The following COG2 variants were observed in gnomAD, a reference collection of about 807,000 sequenced individuals.
COG2 encodes the protein component of oligomeric golgi complex 2.
In COG2, 52 loss-of-function variants were observed where a neutral mutation model predicts 90.6. That is an observed-to-expected ratio of 0.57 (90% confidence interval 0.46 to 0.72). The LOEUF is 0.72. Ranked by LOEUF, COG2 falls within the 30% of genes least tolerant of loss-of-function variation. The pLI is 0.00. For synonymous variants in COG2, 337 were observed against 320.4 expected (o/e 1.05, Z -0.55); for missense variants, 829 against 891.2 (o/e 0.93, Z 0.89).
At chr1:230,643,081 GA>G (rs1309455695) in intron 1 of COG2, 5 of 179,954 alleles carry the variant, frequency 2.8e-5, no homozygotes, top group Admixed American at 1.9e-4. Context: ...CTTTCCTAGG[GA>G]CTCGGGTCGG....
At chr1:230,658,486 C>T (rs1473093048) in intron 1 of COG2, among the ~76,000 whole-genome samples, 1 of 152,166 alleles carries the variant, frequency 6.6e-6, no homozygotes, top group Non-Finnish European at 1.5e-5. Flanking sequence ...AAGTGTCTCT[C>T]AGCCCATACT....
chr1:230,683,842 A>T (rs1341292531), intron 11 of COG2, among the ~76,000 whole-genome samples: 1 of 150,018 alleles, frequency 6.7e-6, no homozygotes, highest in East Asian at 2.0e-4. Context: ...CCCAGGCTGG[A>T]GTGCAATGGC....
chr1:230,681,935 G>A lies in COG2; in HGVS notation c.1167-1639G>A, dbSNP rs540517858. 2.6e-5 allele frequency: 4 copies of A among 152,072 alleles called. No homozygotes were observed. In the South Asian group the frequency reaches 8.3e-4, roughly 32 times the overall value. The allele number at this position is 152,072 out of a possible 1,614,324, so 9.4% of individuals were successfully genotyped here. A position where few individuals can be genotyped will look rare whatever the true frequency, so the allele number is the denominator to read the frequency against. ...GTCTCTGTGAAGTGCAGGGATCAAG[G>A]CTCTGCTGCATTTCTTTGGTCCTTT... is the stretch of plus-strand genomic sequence containing the variant. On this transcript the variant is annotated intron_variant, in intron 10 of 17. Transcript: ENST00000366669.
chr1:230,673,432 A>G (rs1283715614), intron 8 of COG2, among the ~76,000 whole-genome samples: 2 of 152,172 alleles, frequency 1.3e-5, no homozygotes, highest in African/African-American at 4.8e-5. Context: ...CATGAGCTTT[A>G]TAACTGGCAA....
intron 3 of COG2, 98 bp from the exon 4 acceptor site, chr1:230,663,043 C>A: frequency 2.4e-6 from 2 of 818,854 alleles, no homozygotes; most frequent in Non-Finnish European, 1.9e-6. Flanking sequence ...GTAATACTGG[C>A]CTGTAGGTGT....
chr1:230,682,112 C>T (rs546911607), intron 10 of COG2: 8 of 152,316 alleles, frequency 5.3e-5, no homozygotes, highest in South Asian at 4.2e-4. Flanking sequence ...TTGAATATAT[C>T]TCAGGTTCCA....
At chr1:230,683,871 A>G (rs1571961896) in intron 11 of COG2, among the ~76,000 whole-genome samples, 2 of 151,936 alleles carry the variant, frequency 1.3e-5, no homozygotes, top group Admixed American at 1.3e-4. Flanking sequence ...GGCTCACTGC[A>G]GCCCCCGCCT....
chr1:230,663,231 A>G lies in COG2; in HGVS notation c.381+10A>G, dbSNP rs1285295849. The G allele has an allele frequency of 4.4e-6, 7 of 1,597,942 alleles. No individual in the cohort carries two copies. The highest frequency in any genetic ancestry group is 4.3e-6 in the Non-Finnish European group (5 of 1,168,574). ...CATTAGGAAAAAAAAGGTATACTCAAATATTACAATATTAAATCGTTGATT... is the reference window on the plus strand; with the variant it reads ...CATTAGGAAAAAAAAGGTATACTCAGATATTACAATATTAAATCGTTGATT... On this transcript the variant is annotated intron_variant, in intron 4 of 17. Transcript: ENST00000366669.
At chr1:230,680,264 T>C (rs1278533486) in intron 10 of COG2, 1 of 152,302 alleles carries the variant, frequency 6.6e-6, no homozygotes, top group Middle Eastern at 3.4e-3. Flanking sequence ...CATTTCCCCA[T>C]CTCTTTTTGT....
chr1:230,661,153 A>G (rs998017682), intron 3 of COG2, among the ~76,000 whole-genome samples: 10 of 152,224 alleles, frequency 6.6e-5, no homozygotes, highest in African/African-American at 1.7e-4. Context: ...TAATTTAAGA[A>G]TAGCTTCTAT....
rs765707342 is a variant in COG2 at position 230,685,177 on chromosome 1, C to T, written c.1321C>T (p.His441Tyr). The change falls in exon 12 of 18, where the codon CAT becomes TAT. Residue 441 changes from histidine to tyrosine, a missense_variant. His to Tyr is a moderately conservative substitution (Grantham distance 83). Coordinates refer to ENST00000366669, the MANE Select transcript of COG2 (RefSeq NM_007357.3). ...SDEMFLPLLV[H>Y]RLWRLTLQIL... ...TGAGATGTTCTTGCCATTACTGGTGCATCGCCTGTGGAGACTCACTCTGCA... is the reference window on the plus strand; with the variant it reads ...TGAGATGTTCTTGCCATTACTGGTGTATCGCCTGTGGAGACTCACTCTGCA... 6.2e-7 allele frequency: 1 copy of T among 1,614,178 alleles called. No individual in the cohort carries two copies.
intron 1 of COG2, among the ~76,000 whole-genome samples, chr1:230,646,273 TA>T (rs1378290905): frequency 2.6e-5 from 4 of 152,196 alleles, no homozygotes; most frequent in Non-Finnish European, 5.9e-5. Context: ...ATCATTCCAC[TA>T]AAGACTTCTC....
At chr1:230,691,876 A>C in intron 17 of COG2, 1 of 261,898 alleles carries the variant, frequency 3.8e-6, no homozygotes, top group Non-Finnish European at 7.3e-6. Context: ...CTGATACTTA[A>C]TTGGTGCGAA....
chr1:230,682,233 TTTG>T (rs1197149871), intron 10 of COG2: 1 of 152,204 alleles, frequency 6.6e-6, no homozygotes, highest in African/African-American at 2.4e-5. Flanking sequence ...CTTCCTATAT[TTTG>T]TTTAGATTTT....
At chr1:230,692,022 A>G (rs1278870090) in intron 17 of COG2, among the ~76,000 whole-genome samples, 1 of 152,126 alleles carries the variant, frequency 6.6e-6, no homozygotes, top group East Asian at 1.9e-4. Context: ...TATAAAACAC[A>G]AATTTTAGAA....
intron 1 of COG2, among the ~76,000 whole-genome samples, chr1:230,654,599 C>T (rs1163790823): frequency 6.6e-6 from 1 of 151,518 alleles, no homozygotes; most frequent in Non-Finnish European, 1.5e-5. Flanking sequence ...TATGCGAGCT[C>T]TTCTTTGAGA....
chr1:230,677,641 T>C (rs1158104027), intron 9 of COG2, among the ~76,000 whole-genome samples: 1 of 152,202 alleles, frequency 6.6e-6, no homozygotes, highest in Non-Finnish European at 1.5e-5. Context: ...TGAAGACGCT[T>C]TACAATTTGC....
Position 230,679,214 on chromosome 1 carries a change from G to A in COG2, c.1166+162G>A, listed in dbSNP as rs1571958790. The A allele has an allele frequency of 7.8e-6, 5 of 637,636 alleles. No homozygotes were observed. The East Asian group carries it at 1.5e-4, about 19-fold the overall frequency. 39.5% of individuals were successfully genotyped at this position (637,636 alleles called of 1,614,324 possible). ...GAGAAAGAGATATAAGAAGTATTAT[G>A]GTTGCCAAAGTCTGGCTTGCATGAC... On this transcript the variant is annotated intron_variant, in intron 10 of 17. Coordinates refer to ENST00000366669, the MANE Select transcript of COG2 (RefSeq NM_007357.3).
intron 7 of COG2, 102 bp downstream of exon 7, chr1:230,669,637 G>A: frequency 9.2e-7 from 1 of 1,091,592 alleles, no homozygotes; most frequent in Non-Finnish European, 1.3e-6. Context: ...GATCTTTCTG[G>A]AAAGATTCTC....
Sources: gnomAD v4.1 joint callset for allele counts (sites outside exome capture counted in the v4.1 genomes callset) on GRCh38, gnomAD v4.1.1 for gene constraint, MANE v1.5 for transcripts, NCBI Gene and HGNC (gene_info 2026-07-23, HGNC 2026-07-21) for gene names.